The following RAB3C variants were observed in gnomAD, a reference collection of about 807,000 sequenced individuals.
RAB3C encodes the protein ras-related protein Rab-3C.
A neutral mutation model predicts 26.4 loss-of-function variants in RAB3C; 17 were observed. The observed-to-expected ratio is 0.64, with a 90% CI of 0.44 to 0.97. RAB3C has a LOEUF of 0.97. Ranked by LOEUF, RAB3C falls within the 50% of genes least tolerant of loss-of-function variation. The pLI is 0.00. For synonymous variants in RAB3C, 91 were observed against 95.9 expected (o/e 0.95, Z 0.30); for missense variants, 242 against 281.9 (o/e 0.86, Z 1.01).
intron 2 of RAB3C, among the ~76,000 whole-genome samples, chr5:58,649,746 C>G (rs1747604029): frequency 6.6e-6 from 1 of 152,146 alleles, no homozygotes; most frequent in Non-Finnish European, 1.5e-5. Flanking sequence ...AGATTTTCAT[C>G]CCCACCTCAT....
chr5:58,693,692 CT>C (rs1471274465), intron 2 of RAB3C, among the ~76,000 whole-genome samples: 1 of 152,268 alleles, frequency 6.6e-6, no homozygotes, highest in Admixed American at 6.5e-5. Flanking sequence ...ACTCTAAGCC[CT>C]TGAGTACAGT....
intron 3 of RAB3C, among the ~76,000 whole-genome samples, chr5:58,795,010 A>G (rs755537997): frequency 2.0e-4 from 31 of 152,206 alleles, no homozygotes; most frequent in Non-Finnish European, 3.7e-4. Flanking sequence ...CTTGAATCGT[A>G]GTTCCCATAA....
At chr5:58,750,977 C>G (rs1399754296) in intron 3 of RAB3C, among the ~76,000 whole-genome samples, 1 of 152,034 alleles carries the variant, frequency 6.6e-6, no homozygotes, top group Non-Finnish European at 1.5e-5. Context: ...GCCGCAGCCT[C>G]CAGAGTAGCT....
At chr5:58,619,540 A>G (rs1746892022) in intron 2 of RAB3C, among the ~76,000 whole-genome samples, 1 of 152,178 alleles carries the variant, frequency 6.6e-6, no homozygotes, top group Non-Finnish European at 1.5e-5. Context: ...ACTCCATGAC[A>G]ATGTTCTTTT....
At chr5:58,707,831 A>G (rs1021569949) in intron 2 of RAB3C, among the ~76,000 whole-genome samples, 3 of 152,082 alleles carry the variant, frequency 2.0e-5, no homozygotes, top group Non-Finnish European at 4.4e-5. Flanking sequence ...AATGATAGGG[A>G]AACTCTTCAC....
At chr5:58,666,547 C>G (rs2111816109) in intron 2 of RAB3C, among the ~76,000 whole-genome samples, 1 of 152,292 alleles carries the variant, frequency 6.6e-6, no homozygotes, top group South Asian at 2.1e-4. Flanking sequence ...TCCAGAGGAT[C>G]AAAGCATGCA....
In RAB3C at chr5:58,773,300, A is replaced by G. The variant is rs1742063489; in HGVS notation, c.371+47180A>G. 1.3e-5 allele frequency among the ~76,000 whole-genome samples: 2 copies of G among 152,134 alleles called. 1 individual carries two copies. The highest frequency in any genetic ancestry group is 4.1e-4 in the South Asian group (2 of 4,830). On this transcript the variant is annotated intron_variant, in intron 3 of 4. Coordinates refer to ENST00000282878, the MANE Select transcript of RAB3C (RefSeq NM_138453.4). ...GCAGCAGAGACTCATACACAGAAAGAGGTGCAAGGAAGAACCCCTATTAGT... is the reference window on the plus strand; with the variant it reads ...GCAGCAGAGACTCATACACAGAAAGGGGTGCAAGGAAGAACCCCTATTAGT...
chr5:58,698,096 A>C (rs557270304), intron 2 of RAB3C, among the ~76,000 whole-genome samples: 1 of 152,120 alleles, frequency 6.6e-6, no homozygotes, highest in Non-Finnish European at 1.5e-5. Flanking sequence ...TCCTTCCTTC[A>C]GGAGCTCTTG....
chr5:58,825,347 G>T (rs186044849), intron 4 of RAB3C, among the ~76,000 whole-genome samples, 185 bp downstream of exon 4: 1 of 152,278 alleles, frequency 6.6e-6, no homozygotes, highest in Admixed American at 6.5e-5. Context: ...CATCATGAGA[G>T]CTCAAGCGCA....
At chr5:58,610,728 A>G (rs1395200659) in intron 1 of RAB3C, among the ~76,000 whole-genome samples, 1 of 152,078 alleles carries the variant, frequency 6.6e-6, no homozygotes, top group African/African-American at 2.4e-5. Flanking sequence ...GACTATTATC[A>G]ATAGTAGTAG....
upstream of RAB3C, chr5:58,582,983 C>T (rs1745932376): frequency 7.9e-7 from 1 of 1,267,314 alleles, no homozygotes; most frequent in Non-Finnish European, 1.0e-6. Flanking sequence ...CGCCCGTTTG[C>T]CGGGAACACC....
chr5:58,637,548 A>C lies in RAB3C; in HGVS notation c.252+19678A>C, dbSNP rs527891557. 5.2e-4 allele frequency among the ~76,000 whole-genome samples: 79 copies of C among 152,314 alleles called. 1 individual carries two copies. Among genetic ancestry groups the C allele is most frequent in the Admixed American group, 5.2e-3 (79 of 15,296 alleles). On this transcript the variant is annotated intron_variant, in intron 2 of 4. Coordinates refer to ENST00000282878, the MANE Select transcript of RAB3C (RefSeq NM_138453.4). Reference sequence around the variant, plus strand: ...CTCTTTAAATTTTGGATATACTATAAGTTCCAAAATTAATATATTCCTTTG... The same window carrying C: ...CTCTTTAAATTTTGGATATACTATACGTTCCAAAATTAATATATTCCTTTG...
chr5:58,817,149 A>G (rs567678984), intron 3 of RAB3C: 1 of 152,390 alleles, frequency 6.6e-6, no homozygotes, highest in Non-Finnish European at 1.5e-5. Flanking sequence ...AGGGAAGGAC[A>G]TAATGACTAA....
In RAB3C at chr5:58,601,056, G is replaced by C. The variant is rs546661030; in HGVS notation, c.25-16587G>C. Reference sequence around the variant, plus strand: ...TTTGCTGAAAGTTTTAATTATAAAGGGATGCTGGATTTTGTTGAATGCTTT... The same window carrying C: ...TTTGCTGAAAGTTTTAATTATAAAGCGATGCTGGATTTTGTTGAATGCTTT... On this transcript the variant is annotated intron_variant, in intron 1 of 4. Transcript: ENST00000282878. 2.2e-3 allele frequency among the ~76,000 whole-genome samples: 341 copies of C among 152,226 alleles called. 1 individual carries two copies. The highest frequency in any genetic ancestry group is 3.9e-3 in the Non-Finnish European group (264 of 68,004).
intron 3 of RAB3C, among the ~76,000 whole-genome samples, chr5:58,812,351 A>C (rs1407444152): frequency 6.6e-6 from 1 of 152,090 alleles, no homozygotes; most frequent in Non-Finnish European, 1.5e-5. Context: ...TGCTTGTTGG[A>C]AAAGCAGGAT....
At chr5:58,602,621 G>A (rs923430817) in intron 1 of RAB3C, among the ~76,000 whole-genome samples, 4 of 151,834 alleles carry the variant, frequency 2.6e-5, no homozygotes, top group Admixed American at 2.6e-4. Flanking sequence ...TTTAACCACT[G>A]TTGCTTTAAA....
At chr5:58,789,199 G>A (rs537132393) in intron 3 of RAB3C, among the ~76,000 whole-genome samples, 30 of 152,152 alleles carry the variant, frequency 2.0e-4, no homozygotes, top group Non-Finnish European at 3.1e-4. Context: ...CCTTATCACC[G>A]CTGTTCTGCT....
At chr5:58,597,061 T>A (rs1213921082) in intron 1 of RAB3C, among the ~76,000 whole-genome samples, 21 of 4,086 alleles carry the variant, frequency 5.1e-3, no homozygotes, top group Non-Finnish European at 9.9e-3. Flanking sequence ...ATATAATACA[T>A]AATATATATT....
intron 2 of RAB3C, among the ~76,000 whole-genome samples, chr5:58,632,406 G>A (rs1192658972): frequency 6.6e-6 from 1 of 152,162 alleles, no homozygotes; most frequent in East Asian, 1.9e-4. Context: ...ATATCTCTCT[G>A]TAAACAGAAG....
Sources: allele counts gnomAD v4.1 joint callset (sites outside exome capture counted in the v4.1 genomes callset), GRCh38; gene constraint gnomAD v4.1.1; transcripts MANE v1.5; gene names NCBI Gene and HGNC (gene_info 2026-07-23, HGNC 2026-07-21).